The following TCF4 variants were observed in gnomAD, a reference collection of about 807,000 sequenced individuals.
TCF4 encodes transcription factor 4, also known as SL3-3 enhancer factor 2.
Under a neutral mutation model 82.1 loss-of-function variants are expected in TCF4, and 3 were observed. The observed-to-expected ratio is 0.04, with a 90% CI of 0.02 to 0.09. TCF4 has a LOEUF of 0.09. Among genes scored for constraint, TCF4 ranks in the 10% least tolerant of loss-of-function variants. The pLI, the probability that TCF4 is intolerant of heterozygous loss-of-function variation, is 1.00. For synonymous variants in TCF4, 276 were observed against 309.6 expected (o/e 0.89, Z 1.14); for missense variants, 518 against 852.7 (o/e 0.61, Z 4.89).
intron 2 of TCF4, among the ~76,000 whole-genome samples, chr18:55,621,456 TAA>T (rs1491217038): frequency 1.3e-5 from 1 of 76,342 alleles, no homozygotes; most frequent in Non-Finnish European, 2.6e-5. Context: ...ATAATATATA[TAA>T]TATATAATAT....
At chr18:55,382,274 C>G (rs1270055654) in intron 6 of TCF4, among the ~76,000 whole-genome samples, 1 of 151,936 alleles carries the variant, frequency 6.6e-6, no homozygotes, top group Non-Finnish European at 1.5e-5. Context: ...AAGGACATCA[C>G]AGCTTTAGTC....
chr18:55,503,889 A>G (rs2096726228), intron 3 of TCF4, among the ~76,000 whole-genome samples: 1 of 152,214 alleles, frequency 6.6e-6, no homozygotes, highest in African/African-American at 2.4e-5. Context: ...AGCCTGGCCA[A>G]CGTGATGAAA....
At chr18:55,255,510 T>G (rs1276497313) in intron 14 of TCF4, among the ~76,000 whole-genome samples, 1 of 152,170 alleles carries the variant, frequency 6.6e-6, no homozygotes, top group African/African-American at 2.4e-5. Flanking sequence ...TTTTCACAAC[T>G]AGACAATGCG....
intron 6 of TCF4, among the ~76,000 whole-genome samples, chr18:55,366,250 C>T (rs1220945574): frequency 2.6e-5 from 4 of 152,180 alleles, no homozygotes; most frequent in East Asian, 3.9e-4. Context: ...TTGAAAAATT[C>T]CAGAAGGTTT....
At chr18:55,336,448 T>C (rs962864108) in intron 8 of TCF4, among the ~76,000 whole-genome samples, 2 of 152,128 alleles carry the variant, frequency 1.3e-5, no homozygotes, top group Non-Finnish European at 1.5e-5. Context: ...AATGATCATA[T>C]AATTATCTAT....
chr18:55,538,023 C>CGT (rs1161193524), intron 3 of TCF4, among the ~76,000 whole-genome samples: 1 of 137,290 alleles, frequency 7.3e-6, no homozygotes, highest in African/African-American at 2.9e-5. Context: ...AGTCTGCGCG[C>CGT]GCGCACACAC....
At chr18:55,242,951 G>A (rs1254393162) in intron 15 of TCF4, among the ~76,000 whole-genome samples, 1 of 152,096 alleles carries the variant, frequency 6.6e-6, no homozygotes, top group Non-Finnish European at 1.5e-5. Context: ...ACTATACAAG[G>A]CAAAATACGA....
intron 2 of TCF4, among the ~76,000 whole-genome samples, chr18:55,628,507 A>C (rs2097728721): frequency 1.3e-5 from 2 of 152,116 alleles, no homozygotes; most frequent in Admixed American, 1.3e-4. Flanking sequence ...GAGTTAACTT[A>C]TTTTTAAATG....
At chr18:55,420,962 A>G (rs2094721914) in intron 5 of TCF4, among the ~76,000 whole-genome samples, 2 of 152,056 alleles carry the variant, frequency 1.3e-5, no homozygotes, top group Admixed American at 1.3e-4. Flanking sequence ...GTACTGTGTG[A>G]AAAGAAAATA....
intron 5 of TCF4, among the ~76,000 whole-genome samples, chr18:55,456,208 A>C (rs1310909070): frequency 1.3e-5 from 2 of 152,208 alleles, no homozygotes; most frequent in Non-Finnish European, 2.9e-5. Context: ...GCTAACCCAG[A>C]TGAGATTCAA....
rs186397120 is a variant in TCF4 at position 55,276,941 on chromosome 18, T to A, written c.656-1189A>T. On this transcript the variant is annotated intron_variant, in intron 9 of 19. Coordinates refer to ENST00000354452, the MANE Select transcript of TCF4 (RefSeq NM_001083962.2). ...CATATTGGGAGGAATAGTTTGCAGA[T>A]TCCTCTCTTTAAGAACCATGCAAGC... Among the ~76,000 whole-genome samples, 41 of 152,292 alleles carry A rather than the reference T, an allele frequency of 2.7e-4. No individual in the cohort carries two copies. In the East Asian group the frequency reaches 4.6e-3, roughly 17 times the overall value.
At chr18:55,593,154 C>T (rs1324107536), upstream of TCF4, among the ~76,000 whole-genome samples, 6 of 152,146 alleles carry the variant, frequency 3.9e-5, no homozygotes, top group African/African-American at 1.2e-4. Context: ...GATAGAGATC[C>T]TATCTGATTC....
upstream of TCF4, chr18:55,589,548 A>C: frequency 1.9e-6 from 2 of 1,047,282 alleles, no homozygotes; most frequent in Non-Finnish European, 2.3e-6. Context: ...AAAAAATCCA[A>C]CAACTTTTTC....
At chr18:55,520,056 T>C (rs1321602983) in intron 3 of TCF4, among the ~76,000 whole-genome samples, 1 of 152,076 alleles carries the variant, frequency 6.6e-6, no homozygotes, top group Admixed American at 6.6e-5. Context: ...CATCAACAAT[T>C]GAAAGCAATG....
intron 3 of TCF4, among the ~76,000 whole-genome samples, chr18:55,540,693 A>T (rs2097158113): frequency 6.6e-6 from 1 of 152,070 alleles, no homozygotes; most frequent in Non-Finnish European, 1.5e-5. Flanking sequence ...CTCCACAAGC[A>T]TTAACACTAA....
intron 3 of TCF4, among the ~76,000 whole-genome samples, chr18:55,521,907 A>G (rs2096936389): frequency 6.6e-6 from 1 of 152,166 alleles, no homozygotes; most frequent in African/African-American, 2.4e-5. Flanking sequence ...ATACATTTAC[A>G]GTCCTCTGGC....
chr18:55,576,319 G>A (rs949777616), intron 3 of TCF4, among the ~76,000 whole-genome samples: 1 of 152,140 alleles, frequency 6.6e-6, no homozygotes, highest in African/African-American at 2.4e-5. Flanking sequence ...GGGAAGTAGG[G>A]ACACAAAATC....
At chr18:55,317,102 G>T (rs976064405) in intron 8 of TCF4, among the ~76,000 whole-genome samples, 4 of 151,818 alleles carry the variant, frequency 2.6e-5, no homozygotes, top group African/African-American at 9.7e-5. Flanking sequence ...TAAACATAAA[G>T]AACAAAATCA....
intron 6 of TCF4, among the ~76,000 whole-genome samples, chr18:55,357,501 G>A (rs1016368230): frequency 6.6e-6 from 1 of 152,114 alleles, no homozygotes; most frequent in African/African-American, 2.4e-5. Flanking sequence ...AGTAAAAATA[G>A]AACAATTTGA....
Sources: gnomAD v4.1 joint callset for allele counts (sites outside exome capture counted in the v4.1 genomes callset) on GRCh38, gnomAD v4.1.1 for gene constraint, MANE v1.5 for transcripts, NCBI Gene and HGNC (gene_info 2026-07-23, HGNC 2026-07-21) for gene names.